The following SGCZ variants were observed in gnomAD, a reference collection of about 807,000 sequenced individuals.
SGCZ encodes the protein sarcoglycan zeta.
In SGCZ, 40 loss-of-function variants were observed where a neutral mutation model predicts 41.3. The ratio of observed to expected loss-of-function variants is 0.97; its 90% CI spans 0.75 to 1.26. SGCZ has a LOEUF of 1.26. Among genes scored for constraint, SGCZ ranks in the 50% most tolerant of loss-of-function variants. The pLI is 0.00. For missense variants in SGCZ, 552 were observed against 369.8 expected (o/e 1.49, Z -4.04); for synonymous variants, 206 against 137.5 (o/e 1.50, Z -3.49).
intron 1 of SGCZ, among the ~76,000 whole-genome samples, chr8:15,145,991 G>C (rs1799025186): frequency 6.6e-6 from 1 of 152,122 alleles, no homozygotes. Flanking sequence ...AGGAACAAGG[G>C]GATGAATGCT....
intron 5 of SGCZ, among the ~76,000 whole-genome samples, chr8:14,130,425 TC>T (rs1563143681): frequency 6.6e-6 from 1 of 152,162 alleles, no homozygotes; most frequent in African/African-American, 2.4e-5. Context: ...TAACAGTCCT[TC>T]CTTCCACGAT....
chr8:14,258,101 AG>A (rs1799528677), intron 3 of SGCZ, among the ~76,000 whole-genome samples: 1 of 152,198 alleles, frequency 6.6e-6, no homozygotes, highest in Non-Finnish European at 1.5e-5. Flanking sequence ...GTTATTCAAA[AG>A]AAGTGTCATT....
intron 1 of SGCZ, among the ~76,000 whole-genome samples, chr8:14,665,017 C>A (rs1264186192): frequency 1.3e-5 from 2 of 152,060 alleles, no homozygotes; most frequent in African/African-American, 4.8e-5. Context: ...CATTAAAACT[C>A]TTTTTTAAAA....
rs554993690 is a variant in SGCZ, at chr8:14,241,258, G to A, written c.337-3579C>T. ...TTAAGATATTTAAATAGACATAGTAGTACTCTCTTATAGTTTATTCTTGCT... is the reference window on the plus strand; with the variant it reads ...TTAAGATATTTAAATAGACATAGTAATACTCTCTTATAGTTTATTCTTGCT... On this transcript the variant is annotated intron_variant, in intron 3 of 7. Transcript: ENST00000382080. Among the ~76,000 whole-genome samples the A allele has an allele frequency of 1.1e-3, 161 of 151,800 alleles. No individual in the cohort carries two copies. The Middle Eastern group carries it at 0.018, about 17-fold the overall frequency.
At chr8:14,899,946 G>T (rs1032851651) in intron 1 of SGCZ, among the ~76,000 whole-genome samples, 2 of 152,152 alleles carry the variant, frequency 1.3e-5, no homozygotes, top group Admixed American at 1.3e-4. Context: ...CCTGTACGTA[G>T]TTCTAGCAGA....
At chr8:15,032,898 G>A (rs1355340307) in intron 1 of SGCZ, among the ~76,000 whole-genome samples, 1 of 151,990 alleles carries the variant, frequency 6.6e-6, no homozygotes, top group Non-Finnish European at 1.5e-5. Context: ...GTGGCCCCAG[G>A]CTCCAGGCCT....
chr8:14,505,386 C>G (rs1357957318), intron 2 of SGCZ, among the ~76,000 whole-genome samples: 1 of 152,064 alleles, frequency 6.6e-6, no homozygotes, highest in Non-Finnish European at 1.5e-5. Flanking sequence ...TTATAAGGCT[C>G]TGAACTTCTC....
At chr8:15,120,722 C>G (rs1341309221) in intron 1 of SGCZ, among the ~76,000 whole-genome samples, 1 of 152,106 alleles carries the variant, frequency 6.6e-6, no homozygotes, top group African/African-American at 2.4e-5. Context: ...CTTCACAAAG[C>G]TATTATCTCT....
At chr8:14,110,318 AT>A in intron 5 of SGCZ, among the ~76,000 whole-genome samples, 1 of 152,162 alleles carries the variant, frequency 6.6e-6, no homozygotes, top group Admixed American at 6.6e-5. Context: ...GATTATGAAA[AT>A]TTCCCAGATA....
intron 1 of SGCZ, among the ~76,000 whole-genome samples, chr8:14,719,594 C>G (rs1809812899): frequency 6.6e-6 from 1 of 152,182 alleles, no homozygotes; most frequent in South Asian, 2.1e-4. Flanking sequence ...TTGCATTTCC[C>G]TGATGGCCAG....
intron 1 of SGCZ, among the ~76,000 whole-genome samples, chr8:15,165,111 G>A (rs1799624069): frequency 1.3e-5 from 2 of 152,092 alleles, no homozygotes; most frequent in African/African-American, 4.8e-5. Context: ...CCAACATGGT[G>A]AAACCCTGTC....
intron 7 of SGCZ, among the ~76,000 whole-genome samples, chr8:14,092,545 C>G (rs1314472067): frequency 1.3e-5 from 2 of 151,930 alleles, no homozygotes; most frequent in African/African-American, 2.4e-5. Flanking sequence ...CCATAATTCC[C>G]ATGTATTGTG....
At chr8:14,775,920 G>C (rs1394066030) in intron 1 of SGCZ, among the ~76,000 whole-genome samples, 4 of 152,156 alleles carry the variant, frequency 2.6e-5, no homozygotes, top group African/African-American at 9.7e-5. Context: ...CTGTGACTGG[G>C]AGGTGGAAGG....
rs190512714 is a variant in SGCZ, at chr8:14,492,900, A to T, written c.234+61832T>A. ...TTCCTTCTTCACATTTCCATTTCCA[A>T]TCACCAAGTCTTTTCAGATTTTACC... On this transcript the variant is annotated intron_variant, in intron 2 of 7. Transcript: ENST00000382080. Among the ~76,000 whole-genome samples, 42 of 152,148 alleles carry T rather than the reference A, an allele frequency of 2.8e-4. No individual in the cohort carries two copies. In the East Asian group the frequency reaches 5.6e-3, roughly 20 times the overall value.
intron 2 of SGCZ, among the ~76,000 whole-genome samples, chr8:14,455,541 G>C (rs1205743970): frequency 1.3e-5 from 2 of 151,750 alleles, no homozygotes; most frequent in Non-Finnish European, 2.9e-5. Context: ...TACACAGACA[G>C]ATTAGGTAGA....
chr8:14,404,028 G>A (rs1299486686), intron 2 of SGCZ, among the ~76,000 whole-genome samples: 6 of 152,114 alleles, frequency 3.9e-5, no homozygotes, highest in South Asian at 4.1e-4. Context: ...GAAGATGGAG[G>A]AGGGGGGCCA....
chr8:14,963,853 C>T (rs1384136386), intron 1 of SGCZ, among the ~76,000 whole-genome samples: 1 of 152,148 alleles, frequency 6.6e-6, no homozygotes, highest in Admixed American at 6.6e-5. Context: ...AAGTTTCACG[C>T]TTTCCTTCAA....
chr8:15,130,201 C>A (rs542587515), intron 1 of SGCZ, among the ~76,000 whole-genome samples: 4 of 152,138 alleles, frequency 2.6e-5, no homozygotes, highest in South Asian at 4.1e-4. Flanking sequence ...AGGCTCCTGG[C>A]GAGCTGCAAA....
intron 1 of SGCZ, among the ~76,000 whole-genome samples, chr8:15,022,027 T>G (rs902869074): frequency 2.0e-5 from 3 of 152,226 alleles, no homozygotes; most frequent in Non-Finnish European, 4.4e-5. Context: ...TTGCCCTCTG[T>G]AATAATGCTA....
Sources: allele counts gnomAD v4.1 joint callset (sites outside exome capture counted in the v4.1 genomes callset), GRCh38; gene constraint gnomAD v4.1.1; transcripts MANE v1.5; gene names NCBI Gene and HGNC (gene_info 2026-07-23, HGNC 2026-07-21).